The following DSTYK variants were observed in gnomAD, a reference collection of about 807,000 sequenced individuals.
DSTYK encodes RIP-homologous kinase.
Under a neutral mutation model 98.7 loss-of-function variants are expected in DSTYK, and 34 were observed. That is an observed-to-expected ratio of 0.34 (90% CI 0.26 to 0.46). DSTYK has a LOEUF of 0.46. DSTYK is among the 20% of genes least tolerant of loss of function. DSTYK has a pLI of 1.00. For synonymous variants in DSTYK, 462 were observed against 457.3 expected, an observed-to-expected ratio of 1.01 and a Z score of -0.13; for missense variants, 962 against 1,181.7, an observed-to-expected ratio of 0.81 and a Z score of 2.73.
At chr1:205,170,977 A>G (rs1658043333) in intron 2 of DSTYK, among the ~76,000 whole-genome samples, 1 of 151,956 alleles carries the variant, frequency 6.6e-6, no homozygotes, top group African/African-American at 2.4e-5. Context: ...TGGTGATCAC[A>G]GAACTGCCAT....
Position 205,159,693 on chromosome 1 carries a change from G to A in DSTYK, c.2106-14C>T. The A allele has an allele frequency of 6.2e-7, 1 of 1,612,810 alleles. No individual in the cohort carries two copies. The highest frequency in any genetic ancestry group is 8.5e-7 in the Non-Finnish European group (1 of 1,179,942). ...TTCGGCAGAGACCTGGAGGGAAGGAGAGAGATCTGGGCTACAAGGCTTGGG... is the reference window on the plus strand; with the variant it reads ...TTCGGCAGAGACCTGGAGGGAAGGAAAGAGATCTGGGCTACAAGGCTTGGG... On this transcript the variant is annotated splice_polypyrimidine_tract_variant and intron_variant, in intron 8 of 12. Coordinates refer to ENST00000367162, the MANE Select transcript of DSTYK (RefSeq NM_015375.3).
intron 6 of DSTYK, among the ~76,000 whole-genome samples, chr1:205,161,610 C>G (rs990404199): frequency 6.6e-6 from 1 of 152,144 alleles, no homozygotes; most frequent in African/African-American, 2.4e-5. Context: ...TCTGCCTGGA[C>G]ACACCCACTC....
chr1:205,192,093 G>T (rs11806911), intron 1 of DSTYK, among the ~76,000 whole-genome samples: 3,196 of 152,184 alleles, frequency 0.021, 73 homozygotes, highest in Middle Eastern at 0.034. Flanking sequence ...TGGAAGAGAA[G>T]AACAACTAAA....
chr1:205,148,404 C>T, intron 11 of DSTYK, 65 bp from the exon 12 acceptor site: 1 of 1,598,122 alleles, frequency 6.3e-7, no homozygotes, highest in South Asian at 1.1e-5. Context: ...TCTACACCAC[C>T]TTGCCTCAGT....
At chr1:205,204,271 T>C (rs1659136207) in intron 1 of DSTYK, among the ~76,000 whole-genome samples, 1 of 152,166 alleles carries the variant, frequency 6.6e-6, no homozygotes, top group Non-Finnish European at 1.5e-5. Flanking sequence ...GTATTTTGTA[T>C]TCCCATGGTC....
In DSTYK at chr1:205,169,938, T is replaced by C. The variant is rs575739148; in HGVS notation, c.655-106A>G. The C allele has an allele frequency of 9.9e-6, 11 of 1,105,572 alleles. No homozygotes were observed. The East Asian group carries it at 1.0e-4, about 10-fold the overall frequency. The allele number at this position is 1,105,572 out of a possible 1,614,324, so 68.5% of individuals were successfully genotyped here. A position where few individuals can be genotyped will look rare whatever the true frequency, so the allele number is the denominator to read the frequency against. ...AAAATCCTGATCTACAATGGAACAA[T>C]TGGACTTCGGTACCCCAGCCATTGA... On this transcript the variant is annotated intron_variant, in intron 2 of 12. Transcript: ENST00000367162. The surrounding 1 kb of genome is among the most constrained non-coding windows in gnomAD (Gnocchi z 4.0).
At chr1:205,160,327 T>A in intron 7 of DSTYK, 57 bp from the exon 8 acceptor site, 2 of 1,454,852 alleles carry the variant, frequency 1.4e-6, no homozygotes, top group Non-Finnish European at 1.9e-6. Context: ...GTGGGCAACC[T>A]CTGTAAGATT....
At position 205,146,205 on chromosome 1, in the gene DSTYK, T is replaced by G. The variant is rs769389016; in HGVS notation, c.*1353A>C. The G allele has an allele frequency of 6.6e-6, 1 of 152,216 alleles. No homozygotes were observed. Among genetic ancestry groups the G allele is most frequent in the Admixed American group, 6.5e-5 (1 of 15,286 alleles). The allele number at this position is 152,216 out of a possible 1,614,324, so 9.4% of individuals were successfully genotyped here. A position where few individuals can be genotyped will look rare whatever the true frequency, so the allele number is the denominator to read the frequency against. ...GTTTTCCAAACGTCAGTGTGTTAGATTCAAACACAAAAAGAAAAATTTCTG... is the reference window on the plus strand; with the variant it reads ...GTTTTCCAAACGTCAGTGTGTTAGAGTCAAACACAAAAAGAAAAATTTCTG... On this transcript the variant is annotated 3_prime_UTR_variant, in exon 13 of 13. Transcript: ENST00000367162.
Position 205,160,233 on chromosome 1 carries a change from C to G in DSTYK, c.1986G>C (p.Gln662His). ...TGTCACACAGGTATACCACACCATACTGGCCCCGGCCCAGTTCCTGTCCCA... is the reference window on the plus strand; with the variant it reads ...TGTCACACAGGTATACCACACCATAGTGGCCCCGGCCCAGTTCCTGTCCCA... ...PKLGQELGRG[Q>H]YGVVYLCDNW... The change falls in exon 8 of 13, where the codon CAG becomes CAC. Residue 662 changes from glutamine (Q) to histidine (H), a missense_variant. Coordinates refer to ENST00000367162, the MANE Select transcript of DSTYK (RefSeq NM_015375.3). The G allele has an allele frequency of 6.2e-7, 1 of 1,614,200 alleles. No homozygotes were observed. The highest frequency in any genetic ancestry group is 8.5e-7 in the Non-Finnish European group (1 of 1,180,038).
chr1:205,167,463 G>A (rs1297742902), intron 3 of DSTYK, among the ~76,000 whole-genome samples: 1 of 152,202 alleles, frequency 6.6e-6, no homozygotes, highest in African/African-American at 2.4e-5. Context: ...TGGGAGACAG[G>A]CCCTGATGGG....
At position 205,142,690 on chromosome 1, in the gene DSTYK, G is replaced by A. The variant is rs921691092; in HGVS notation, c.*4868C>T. ...CTGCTGTAACAATATTATGGAAAGAGCCAGGTAGCACAAGAAAGGAGAGAG... is the reference window on the plus strand; with the variant it reads ...CTGCTGTAACAATATTATGGAAAGAACCAGGTAGCACAAGAAAGGAGAGAG... On this transcript the variant is annotated 3_prime_UTR_variant, in exon 13 of 13. Coordinates refer to ENST00000367162, the MANE Select transcript of DSTYK (RefSeq NM_015375.3). The A allele has an allele frequency of 2.6e-5, 4 of 152,228 alleles. No individual in the cohort carries two copies. The highest frequency in any genetic ancestry group is 9.7e-5 in the African/African-American group (4 of 41,420). 9.4% of individuals were successfully genotyped at this position (152,228 alleles called of 1,614,324 possible). A position where few individuals can be genotyped will look rare whatever the true frequency, so the allele number is the denominator to read the frequency against.
At chr1:205,205,253 G>T (rs1558628927) in intron 1 of DSTYK, among the ~76,000 whole-genome samples, 1 of 151,892 alleles carries the variant, frequency 6.6e-6, no homozygotes, top group Admixed American at 6.6e-5. Context: ...CTGTCACTGT[G>T]CTCCACCTCA....
At chr1:205,175,164 C>T (rs1402322605) in intron 2 of DSTYK, among the ~76,000 whole-genome samples, 2 of 148,664 alleles carry the variant, frequency 1.3e-5, no homozygotes, top group African/African-American at 5.0e-5. Flanking sequence ...TGCAGTGGCG[C>T]AATCTTGGCT....
chr1:205,205,592 C>T (rs1394235639), intron 1 of DSTYK, among the ~76,000 whole-genome samples: 3 of 151,686 alleles, frequency 2.0e-5, no homozygotes, highest in Admixed American at 6.6e-5. Flanking sequence ...ATTATAGGCC[C>T]GCACCGCCAT....
intron 9 of DSTYK, among the ~76,000 whole-genome samples, chr1:205,158,993 T>A (rs995494204): frequency 6.6e-6 from 1 of 152,156 alleles, no homozygotes; most frequent in Non-Finnish European, 1.5e-5. Flanking sequence ...TCTAAGGAGT[T>A]TAGATTTTTA....
chr1:205,182,294 G>T (rs537524714), intron 2 of DSTYK, among the ~76,000 whole-genome samples: 76 of 151,724 alleles, frequency 5.0e-4, no homozygotes, highest in Non-Finnish European at 3.1e-4. Context: ...CCAGCTACTT[G>T]GGAGGAGGCA....
At chr1:205,208,933 T>C (rs1278424197) in intron 1 of DSTYK, among the ~76,000 whole-genome samples, 3 of 152,136 alleles carry the variant, frequency 2.0e-5, no homozygotes, top group Non-Finnish European at 2.9e-5. Context: ...CTCTCCACGC[T>C]GAAAGGAAGA....
chr1:205,164,757 G>A (rs368195128), intron 3 of DSTYK, among the ~76,000 whole-genome samples: 4 of 152,082 alleles, frequency 2.6e-5, no homozygotes, highest in East Asian at 3.9e-4. Context: ...CACCGTGCCC[G>A]GCAATTTTGT....
chr1:205,154,239 T>C (rs1657492650), intron 10 of DSTYK, among the ~76,000 whole-genome samples: 1 of 152,036 alleles, frequency 6.6e-6, no homozygotes, highest in Non-Finnish European at 1.5e-5. Flanking sequence ...ATCAGCTAGG[T>C]CTATGATGAA....
Sources: allele counts gnomAD v4.1 joint callset (sites outside exome capture counted in the v4.1 genomes callset), GRCh38; gene constraint gnomAD v4.1.1; non-coding constraint Gnocchi (gnomAD v3.1); transcripts MANE v1.5; gene names NCBI Gene and HGNC (gene_info 2026-07-23, HGNC 2026-07-21).